LAMA1: variants seen among roughly 807,000 people sequenced by gnomAD.
LAMA1 encodes laminin subunit alpha-1.
In LAMA1, 219 loss-of-function variants were observed where a neutral mutation model predicts 348.7. The observed-to-expected ratio is 0.63, with a 90% CI of 0.56 to 0.70. The LOEUF (loss-of-function observed/expected upper bound fraction) is 0.70. Among genes scored for constraint, LAMA1 ranks in the 30% least tolerant of loss-of-function variants. The pLI is 0.00. For missense variants in LAMA1, 3,744 were observed against 3,888.0 expected (o/e 0.96, Z 0.99); for synonymous variants, 1,487 against 1,491.0 (o/e 1.00, Z 0.06).
At chr18:6,984,943 C>G (rs1319910766) in intron 39 of LAMA1, among the ~76,000 whole-genome samples, 3 of 152,146 alleles carry the variant, frequency 2.0e-5, no homozygotes, top group African/African-American at 4.8e-5. Context: ...CTTAATAAAG[C>G]CTTGATGGCT....
At chr18:6,998,030 A>C in intron 32 of LAMA1, 146 bp from the exon 33 acceptor site, 26 of 752,710 alleles carry the variant, frequency 3.5e-5, no homozygotes, top group East Asian at 5.2e-5. Context: ...ATCTGATCTC[A>C]TTCTCACTCC....
At chr18:7,028,876 C>A (rs570984369) in intron 16 of LAMA1, among the ~76,000 whole-genome samples, 1 of 152,172 alleles carries the variant, frequency 6.6e-6, no homozygotes, top group African/African-American at 2.4e-5. Context: ...GTTCTGCACA[C>A]GTGTGTCGCT....
intron 53 of LAMA1, chr18:6,960,221 T>G (rs558301074): frequency 6.4e-6 from 1 of 156,118 alleles, no homozygotes; most frequent in African/African-American, 2.4e-5. Context: ...CTTATCCACA[T>G]ATGTTCATAG....
At chr18:7,106,549 G>A (rs1192441485) in intron 1 of LAMA1, among the ~76,000 whole-genome samples, 3 of 151,876 alleles carry the variant, frequency 2.0e-5, no homozygotes, top group South Asian at 2.1e-4. Context: ...TAGTAGATTC[G>A]GGGTTTCACC....
intron 16 of LAMA1, among the ~76,000 whole-genome samples, chr18:7,027,336 T>C (rs1467005043): frequency 3.4e-5 from 5 of 148,806 alleles, no homozygotes; most frequent in Non-Finnish European, 6.0e-5. Context: ...TAGAAAAACA[T>C]ACTATAATTA....
chr18:7,016,406 C>T (rs1465103199), intron 21 of LAMA1, 85 bp downstream of exon 21: 6 of 1,510,272 alleles, frequency 4.0e-6, no homozygotes, highest in East Asian at 2.3e-5. Context: ...AGGCACTTAA[C>T]CAAAATTAGT....
rs776178074 is a variant in LAMA1, at chr18:7,016,691, G to A, written c.2809-20C>T. The A allele has an allele frequency of 1.5e-4, 247 of 1,601,066 alleles. 1 individual carries two copies. The Middle Eastern group carries it at 2.5e-3, about 16-fold the overall frequency. ...GCCATGCTGTTTCACCAAAGGGGGA[G>A]AAAGTGGAAACCAACATACGTTTTA... On this transcript the variant is annotated intron_variant, in intron 20 of 62. Transcript: ENST00000389658.
At chr18:7,053,508 A>G (rs1159576313) in intron 3 of LAMA1, among the ~76,000 whole-genome samples, 3 of 152,170 alleles carry the variant, frequency 2.0e-5, no homozygotes, top group African/African-American at 7.2e-5. Context: ...AAAAATGTCT[A>G]TTAATTGAAA....
rs1354552030 is a variant in LAMA1, at chr18:7,032,139, A to G, written c.2201T>C (p.Leu734Pro). Residue 734 changes from leucine (L) to proline (P), a missense_variant, in exon 16 of 63, where the codon CTC (leucine) becomes CCC (proline). Physicochemically the swap from Leu to Pro is moderately conservative, Grantham distance 98. Coordinates refer to ENST00000389658, the MANE Select transcript of LAMA1 (RefSeq NM_005559.4). ...LSGYYRVDGILFGGICQPCEC... is the reference protein window; with the variant it reads ...LSGYYRVDGIPFGGICQPCEC... ...ACAGGGTTGACAAATTCCTCCAAAG[A>G]GTATTCCATCCACGCGGTAATAGCC... is the stretch of plus-strand genomic sequence containing the variant. The G allele has an allele frequency of 6.2e-7, 1 of 1,614,212 alleles. No homozygotes were observed.
At chr18:7,021,831 ATAATAATATAT>A (rs1232547071) in intron 19 of LAMA1, among the ~76,000 whole-genome samples, 42 of 60,468 alleles carry the variant, frequency 6.9e-4, no homozygotes, top group African/African-American at 5.6e-3. Flanking sequence ...ATTATATAAT[ATAATAATATAT>A]TATATTATAT....
intron 33 of LAMA1, among the ~76,000 whole-genome samples, chr18:6,997,212 C>CCT: frequency 6.6e-6 from 1 of 152,154 alleles, no homozygotes; most frequent in East Asian, 1.9e-4. Context: ...TACAGGCACG[C>CCT]GCCACCACAT....
At chr18:7,071,949 G>A (rs7240875) in intron 3 of LAMA1, among the ~76,000 whole-genome samples, 6,696 of 152,298 alleles carry the variant, frequency 0.044, 474 homozygotes, top group African/African-American at 0.15. Flanking sequence ...TGTAATACAT[G>A]ATAGTATTGT....
rs771302321 is a variant in LAMA1 at position 6,958,664 on chromosome 18, T to C, written c.7779-2A>G. On this transcript the variant is annotated splice_acceptor_variant, in intron 54 of 62. Coordinates refer to ENST00000389658, the MANE Select transcript of LAMA1 (RefSeq NM_005559.4). LOFTEE classifies it high-confidence loss of function. ...TCATCCAATTGGACAGTGATAATTCTAAAAGACCAATGGAGAAAATAAATG... is the reference window on the plus strand; with the variant it reads ...TCATCCAATTGGACAGTGATAATTCCAAAAGACCAATGGAGAAAATAAATG... 3.7e-6 allele frequency: 6 copies of C among 1,611,040 alleles called. No individual in the cohort carries two copies. The African/African-American group carries it at 8.0e-5, about 22-fold the overall frequency.
At position 7,012,069 on chromosome 18, in the gene LAMA1, G is replaced by C; in HGVS notation, c.3433C>G (p.Leu1145Val). 2 of 1,613,106 alleles carry C rather than the reference G, an allele frequency of 1.2e-6. No individual in the cohort carries two copies. The highest frequency in any genetic ancestry group is 1.7e-6 in the Non-Finnish European group (2 of 1,179,508). ...GAGCAGAAGCACGGGCTGCAGCCCA[G>C]GGGGTTGTCTGCGCGGAGAGCGAAG... ...GTFALRADNP[L>V]GCSPCFCSGL... Residue 1145 changes from leucine (L) to valine (V), a missense_variant, in exon 24 of 63, where the codon CTG becomes GTG. Leu to Val is a conservative substitution (Grantham distance 32). Transcript: ENST00000389658.
Position 6,997,753 on chromosome 18 carries a change from T to C in LAMA1, c.4795A>G (p.Lys1599Glu). 6.2e-7 allele frequency: 1 copy of C among 1,613,860 alleles called. No homozygotes were observed. Among genetic ancestry groups the C allele is most frequent in the Non-Finnish European group, 8.5e-7 (1 of 1,179,724 alleles). ...GILSNLENTT[K>E]YLQESLLKEN... ...TTTCCAGTACCTACCTGGAGATATT[T>C]AGTTGTATTTTCCAGGTTTGACAAA... Residue 1599 changes from lysine (K) to glutamate (E), a missense_variant, in exon 33 of 63, where the codon AAA (lysine) becomes GAA (glutamate). By Grantham distance (56) the Lys-to-Glu change is moderately conservative. Transcript: ENST00000389658.
intron 3 of LAMA1, among the ~76,000 whole-genome samples, chr18:7,055,739 A>C (rs2058078913): frequency 6.6e-6 from 1 of 152,236 alleles, no homozygotes; most frequent in African/African-American, 2.4e-5. Context: ...ATCTCTGAGC[A>C]TGAGCTACTT....
intron 3 of LAMA1, 40 bp from the exon 4 acceptor site, chr18:7,050,976 T>C (rs371860542): frequency 9.3e-6 from 15 of 1,610,852 alleles, no homozygotes; most frequent in African/African-American, 1.3e-5. Context: ...CCAGAATCAA[T>C]ACAAGCCAGG....
At chr18:7,043,166 A>C in intron 8 of LAMA1, 61 bp downstream of exon 8, 1 of 1,558,394 alleles carries the variant, frequency 6.4e-7, no homozygotes, top group South Asian at 1.1e-5. Flanking sequence ...AGACTTGACA[A>C]AGTCTCTTTT....
chr18:7,054,880 G>A (rs775591201), intron 3 of LAMA1, among the ~76,000 whole-genome samples: 1 of 151,964 alleles, frequency 6.6e-6, no homozygotes, highest in Non-Finnish European at 1.5e-5. Context: ...CTTTTCTCTA[G>A]CTTACTTTAA....
Sources: allele counts gnomAD v4.1 joint callset (sites outside exome capture counted in the v4.1 genomes callset), GRCh38; gene constraint gnomAD v4.1.1; transcripts MANE v1.5; gene names NCBI Gene and HGNC (gene_info 2026-07-23, HGNC 2026-07-21).